Variants in SPPL2B observed in about 807,000 individuals in gnomAD.
SPPL2B encodes the protein signal peptide peptidase-like 2B.
A neutral mutation model predicts 59.7 loss-of-function variants in SPPL2B; 39 were observed. That is an observed-to-expected ratio of 0.65 (90% CI 0.51 to 0.85). The LOEUF (loss-of-function observed/expected upper bound fraction) is 0.85, where lower values mean the gene tolerates loss of function less well. Ranked by LOEUF, SPPL2B falls within the 40% of genes least tolerant of loss-of-function variation. The pLI is 0.00. For synonymous variants in SPPL2B, 419 were observed against 370.8 expected, an observed-to-expected ratio of 1.13 and a Z score of -1.49; for missense variants, 865 against 849.0, an observed-to-expected ratio of 1.02 and a Z score of -0.23.
In SPPL2B at chr19:2,337,449, C is replaced by T. The variant is rs575788174; in HGVS notation, c.193C>T (p.Leu65=). The T allele has an allele frequency of 2.5e-6, 4 of 1,600,564 alleles. No individual in the cohort carries two copies. The South Asian group carries it at 4.5e-5, about 18-fold the overall frequency. The change falls in exon 3 of 15, where the codon CTG becomes TTG. Residue 65 remains leucine, a synonymous_variant. Transcript: ENST00000613503. ...LPHDLSKASF[L]QLRNWTASLL... is the part of the protein sequence containing the mutation. ...TGTGCCCTGGCCTTTCCAGTCTTTC[C>T]TGCAGCTGCGCAACTGGACGGCCTC...
chr19:2,343,924 C>A, intron 9 of SPPL2B, 41 bp from the exon 10 acceptor site: 1 of 1,483,930 alleles, frequency 6.7e-7, no homozygotes. Flanking sequence ...GGGGGAGGCA[C>A]GGGCCGGGGT....
chr19:2,335,353 CAGGCCCCGCCTCCTT>C (rs1968519857), intron 2 of SPPL2B, among the ~76,000 whole-genome samples: 1 of 119,840 alleles, frequency 8.3e-6, no homozygotes, highest in Non-Finnish European at 1.8e-5. Context: ...CTGCATCCTT[CAGGCCCCGCCTCCTT>C]TCTCACTGCA....
intron 9 of SPPL2B, among the ~76,000 whole-genome samples, chr19:2,343,703 G>T (rs531509411): frequency 6.6e-6 from 1 of 152,164 alleles, no homozygotes; most frequent in Non-Finnish European, 1.5e-5. Flanking sequence ...CCCCAGAGCC[G>T]GCCCTGCGTG....
intron 10 of SPPL2B, 35 bp from the exon 11 acceptor site, chr19:2,344,327 C>A: frequency 4.4e-6 from 4 of 910,252 alleles, no homozygotes; most frequent in Non-Finnish European, 6.6e-6. Flanking sequence ...CCCACCCCAT[C>A]ACCACGCTCC....
At chr19:2,350,453 C>T (rs915690361) in intron 13 of SPPL2B, among the ~76,000 whole-genome samples, 10 of 149,290 alleles carry the variant, frequency 6.7e-5, no homozygotes, top group African/African-American at 2.5e-4. Context: ...CGCTTGATTC[C>T]GTTCTCTCTC....
At chr19:2,346,975 T>G (rs1568447518) in intron 13 of SPPL2B, among the ~76,000 whole-genome samples, 1 of 152,212 alleles carries the variant, frequency 6.6e-6, no homozygotes, top group Non-Finnish European at 1.5e-5. Flanking sequence ...TTTTTAAGAG[T>G]GTTCTAGCAA....
At chr19:2,350,901 GGCT>G (rs1408254667) in intron 13 of SPPL2B, among the ~76,000 whole-genome samples, 7 of 152,238 alleles carry the variant, frequency 4.6e-5, no homozygotes, top group Non-Finnish European at 8.8e-5. Flanking sequence ...GTAAATCACA[GGCT>G]GCGTTCTCAG....
intron 12 of SPPL2B, 69 bp from the exon 13 acceptor site, chr19:2,345,184 C>G: frequency 7.1e-7 from 1 of 1,409,332 alleles, no homozygotes; most frequent in East Asian, 2.3e-5. Flanking sequence ...GGTGCCCGCC[C>G]GCTCCCAGGA....
chr19:2,345,451 C>G (rs990388740), intron 13 of SPPL2B, 121 bp downstream of exon 13: 1 of 823,804 alleles, frequency 1.2e-6, no homozygotes, highest in Non-Finnish European at 2.0e-6. Context: ...CCAACTCTAA[C>G]ACCGTAACCA....
intron 1 of SPPL2B, among the ~76,000 whole-genome samples, chr19:2,334,077 CG>C (rs1432737547): frequency 6.6e-6 from 1 of 152,224 alleles, no homozygotes; most frequent in Admixed American, 6.5e-5. Flanking sequence ...CCTGGGCCCC[CG>C]TGTGCCTTGG....
chr19:2,343,967 C>T lies in SPPL2B; in HGVS notation c.1041C>T (p.Ala347=). Reference sequence around the variant, plus strand: ...GCCCTCAGCCGTGGGCTTCGCAGGCCTGCACGCTGCTGCTGCTGGTGCTGT... The same window carrying T: ...GCCCTCAGCCGTGGGCTTCGCAGGCTTGCACGCTGCTGCTGCTGGTGCTGT... ...LKTIRLPTFK[A]CTLLLLVLFL... The change falls in exon 10 of 15, where the codon GCC becomes GCT. Residue 347 remains alanine, a splice_region_variant and synonymous_variant. Transcript: ENST00000613503. 6.5e-7 allele frequency: 1 copy of T among 1,548,130 alleles called. No homozygotes were observed.
Position 2,353,107 on chromosome 19 carries a change from G to C in SPPL2B, c.1677G>C (p.Met559Ile). 1 of 1,610,734 alleles carries C rather than the reference G, an allele frequency of 6.2e-7. No homozygotes were observed. The highest frequency in any genetic ancestry group is 8.5e-7 in the Non-Finnish European group (1 of 1,179,240). Residue 559 changes from methionine (M) to isoleucine (I), a missense_variant, in exon 15 of 15, where the codon ATG (methionine) becomes ATC (isoleucine). By Grantham distance (10) the Met-to-Ile change is conservative (BLOSUM62 1). Coordinates refer to ENST00000613503, the MANE Select transcript of SPPL2B (RefSeq NM_152988.3). ...CAAAATCACGCACGTCCGAGGAGAT[G>C]GGGGCTGGAGCCCCCATGCGGGAGC... is the stretch of plus-strand genomic sequence containing the variant. ...QSPKSRTSEE[M>I]GAGAPMREPG...
intron 2 of SPPL2B, 66 bp from the exon 3 acceptor site, chr19:2,337,377 A>G: frequency 1.4e-6 from 2 of 1,444,506 alleles, no homozygotes; most frequent in Non-Finnish European, 1.9e-6. Context: ...AGGTGGGAGA[A>G]CGGGCAGCTG....
chr19:2,341,883 G>T, intron 8 of SPPL2B: 1 of 288,356 alleles, frequency 3.5e-6, no homozygotes, highest in Non-Finnish European at 6.9e-6. Flanking sequence ...CGATCACTTT[G>T]CCCAGGAGTT....
intron 13 of SPPL2B, among the ~76,000 whole-genome samples, chr19:2,350,107 A>C (rs950823465): frequency 6.9e-6 from 1 of 143,958 alleles, no homozygotes; most frequent in Non-Finnish European, 1.5e-5. Flanking sequence ...CTCTCTCCAC[A>C]CACACTCGCG....
chr19:2,339,265 G>T, intron 5 of SPPL2B, 57 bp downstream of exon 5: 1 of 1,555,672 alleles, frequency 6.4e-7, no homozygotes, highest in Non-Finnish European at 8.7e-7. Context: ...GACACGGGCC[G>T]GGACGGCCAG....
intron 10 of SPPL2B, 35 bp downstream of exon 10, chr19:2,344,074 CCCCGCTCCCCCGCCCCCTCG>C: frequency 7.0e-7 from 1 of 1,430,944 alleles, no homozygotes; most frequent in African/African-American, 1.5e-5. Context: ...CACCCCATCA[CCCCGCTCCCCCGCCCCCTCG>C]CAACCCCCGC....
intron 4 of SPPL2B, 67 bp downstream of exon 4, chr19:2,338,908 C>CG (rs1346138820): frequency 1.7e-5 from 27 of 1,547,092 alleles, no homozygotes; most frequent in South Asian, 1.6e-4. Flanking sequence ...GGCTGGCTGC[C>CG]GGGGGGGTTT....
intron 14 of SPPL2B, among the ~76,000 whole-genome samples, chr19:2,352,740 C>T (rs1319226828): frequency 6.6e-6 from 1 of 152,198 alleles, no homozygotes; most frequent in African/African-American, 2.4e-5. Context: ...TCGGATGGCC[C>T]TCCCGCGGCA....
Sources: gnomAD v4.1 joint callset for allele counts (sites outside exome capture counted in the v4.1 genomes callset) on GRCh38, gnomAD v4.1.1 for gene constraint, MANE v1.5 for transcripts, NCBI Gene and HGNC (gene_info 2026-07-23, HGNC 2026-07-21) for gene names.